The following UBE2E3 variants were observed in gnomAD, a reference collection of about 807,000 sequenced individuals.
UBE2E3 encodes the protein ubiquitin-conjugating enzyme E2 E3.
In UBE2E3, 5 loss-of-function variants were observed where a neutral mutation model predicts 23.6. The ratio of observed to expected loss-of-function variants is 0.21; its 90% CI spans 0.11 to 0.44. The LOEUF (loss-of-function observed/expected upper bound fraction) is 0.44, where lower values mean the gene tolerates loss of function less well. UBE2E3 is among the 20% of genes least tolerant of loss of function. The pLI, the probability that UBE2E3 is intolerant of heterozygous loss-of-function variation, is 0.99. For synonymous variants in UBE2E3, 78 were observed against 87.5 expected (o/e 0.89, Z 0.60); for missense variants, 81 against 249.8 (o/e 0.32, Z 4.55).
At chr2:180,982,295 C>A in intron 2 of UBE2E3, 59 bp downstream of exon 2, 1 of 1,529,304 alleles carries the variant, frequency 6.5e-7, no homozygotes, top group Non-Finnish European at 8.9e-7. Context: ...GGTGGTTGGA[C>A]GCTTTTGTTG....
chr2:180,984,552 A>T (rs1384052357), intron 3 of UBE2E3, among the ~76,000 whole-genome samples: 1 of 152,220 alleles, frequency 6.6e-6, no homozygotes. Flanking sequence ...TTCAGTTACT[A>T]GCCTTAAGGA....
chr2:180,999,320 T>C (rs1559116028), intron 3 of UBE2E3, among the ~76,000 whole-genome samples: 1 of 152,192 alleles, frequency 6.6e-6, no homozygotes, highest in Non-Finnish European at 1.5e-5. Context: ...GCATTTGGTA[T>C]AGTTTATCTC....
intron 3 of UBE2E3, among the ~76,000 whole-genome samples, chr2:181,021,566 T>TCCTTCCTTCCTCCCTCCCTTCCTC (rs1685684006): frequency 9.8e-6 from 1 of 101,894 alleles, no homozygotes; most frequent in Non-Finnish European, 1.9e-5. Context: ...CTTCCTTCCT[T>TCCTTCCTTCCTCCCTCCCTTCCTC]CCTTCCTCCC....
chr2:181,031,126 A>AT (rs1208032947), intron 3 of UBE2E3, among the ~76,000 whole-genome samples: 3 of 151,784 alleles, frequency 2.0e-5, no homozygotes, highest in Admixed American at 2.0e-4. Flanking sequence ...CTCTCATACT[A>AT]TTTTTTTAAA....
At chr2:181,012,004 C>T (rs1475937735) in intron 3 of UBE2E3, among the ~76,000 whole-genome samples, 3 of 152,126 alleles carry the variant, frequency 2.0e-5, no homozygotes, top group Non-Finnish European at 4.4e-5. Context: ...ATTAAACCAT[C>T]ATTTTATGTG....
chr2:180,991,345 G>T (rs1372445061), intron 3 of UBE2E3, among the ~76,000 whole-genome samples: 1 of 152,026 alleles, frequency 6.6e-6, no homozygotes, highest in Non-Finnish European at 1.5e-5. Context: ...TTTACATAAG[G>T]GTTACAAATT....
chr2:181,011,562 C>CT (rs1405698253), intron 3 of UBE2E3, among the ~76,000 whole-genome samples: 2 of 152,106 alleles, frequency 1.3e-5, no homozygotes, highest in Non-Finnish European at 2.9e-5. Context: ...TAAATCAAAA[C>CT]TAAGTCAAAA....
intron 3 of UBE2E3, among the ~76,000 whole-genome samples, chr2:180,990,543 G>A (rs1574158744): frequency 6.6e-6 from 1 of 152,088 alleles, no homozygotes; most frequent in African/African-American, 2.4e-5. Flanking sequence ...TATATTATTT[G>A]TCATACGTGT....
At chr2:181,015,266 G>A (rs564578591) in intron 3 of UBE2E3, among the ~76,000 whole-genome samples, 18 of 152,284 alleles carry the variant, frequency 1.2e-4, no homozygotes, top group Non-Finnish European at 2.4e-4. Flanking sequence ...AATATTTTAA[G>A]CCTACATATA....
chr2:181,007,296 C>G (rs1685181523), intron 3 of UBE2E3, among the ~76,000 whole-genome samples: 1 of 152,144 alleles, frequency 6.6e-6, no homozygotes, highest in Non-Finnish European at 1.5e-5. Flanking sequence ...TATCCTTTTC[C>G]CTCATCTGTA....
At chr2:181,056,370 A>G (rs1175210933) in intron 3 of UBE2E3, among the ~76,000 whole-genome samples, 2 of 151,768 alleles carry the variant, frequency 1.3e-5, no homozygotes, top group Admixed American at 6.6e-5. Context: ...GTAGGTTATA[A>G]GGAAAAGAGG....
chr2:180,988,992 C>T (rs1039365219), intron 3 of UBE2E3, among the ~76,000 whole-genome samples: 8 of 152,036 alleles, frequency 5.3e-5, no homozygotes, highest in Non-Finnish European at 8.8e-5. Context: ...TACAGAACTA[C>T]TCTGACAAAG....
At chr2:181,012,210 A>G (rs904467802) in intron 3 of UBE2E3, among the ~76,000 whole-genome samples, 8 of 152,158 alleles carry the variant, frequency 5.3e-5, no homozygotes, top group African/African-American at 1.7e-4. Context: ...TACATTAACA[A>G]CACTGATTAG....
intron 3 of UBE2E3, chr2:180,987,486 T>C (rs1401469301): frequency 7.1e-7 from 1 of 1,417,860 alleles, no homozygotes; most frequent in Non-Finnish European, 9.6e-7. Flanking sequence ...ATGTTCAGAT[T>C]GAATCTATAC....
chr2:180,989,096 A>G (rs1684574445), intron 3 of UBE2E3, among the ~76,000 whole-genome samples: 1 of 152,114 alleles, frequency 6.6e-6, no homozygotes, highest in Admixed American at 6.6e-5. Context: ...ATCAGCATAA[A>G]CCTCAAAAAT....
chr2:181,043,026 G>A (rs577269897), intron 3 of UBE2E3, among the ~76,000 whole-genome samples: 15 of 152,296 alleles, frequency 9.8e-5, no homozygotes, highest in African/African-American at 3.6e-4. Context: ...GAGCAAGGAA[G>A]CTTAAAAGTC....
intron 3 of UBE2E3, among the ~76,000 whole-genome samples, chr2:181,041,029 C>T (rs1159212422): frequency 6.6e-6 from 1 of 151,986 alleles, no homozygotes; most frequent in Non-Finnish European, 1.5e-5. Context: ...GCGGGCGAAT[C>T]ACGAGGTCAG....
intron 3 of UBE2E3, among the ~76,000 whole-genome samples, chr2:181,024,939 T>C (rs1357718690): frequency 3.9e-5 from 6 of 151,996 alleles, no homozygotes; most frequent in Non-Finnish European, 8.8e-5. Flanking sequence ...TCAGCTCTAT[T>C]AATAAAAGTA....
At chr2:181,001,440 C>G (rs768612845) in intron 3 of UBE2E3, among the ~76,000 whole-genome samples, 10 of 152,070 alleles carry the variant, frequency 6.6e-5, no homozygotes, top group Non-Finnish European at 1.2e-4. Context: ...ACCCCCCACA[C>G]CCCCAACTGT....
Sources: allele counts gnomAD v4.1 joint callset (sites outside exome capture counted in the v4.1 genomes callset), GRCh38; gene constraint gnomAD v4.1.1; transcripts MANE v1.5; gene names NCBI Gene and HGNC (gene_info 2026-07-23, HGNC 2026-07-21).